The following ZNF609 variants were observed in gnomAD, a reference collection of about 807,000 sequenced individuals.
ZNF609 encodes the protein zinc finger protein 609.
Under a neutral mutation model 109.5 loss-of-function variants are expected in ZNF609, and 11 were observed. The ratio of observed to expected loss-of-function variants is 0.10; its 90% CI spans 0.06 to 0.17. The LOEUF is 0.17. Ranked by LOEUF, ZNF609 falls within the 10% of genes least tolerant of loss-of-function variation. The pLI is 1.00. For missense variants in ZNF609, 1,559 were observed against 1,772.4 expected (o/e 0.88, Z 2.16); for synonymous variants, 646 against 662.0 (o/e 0.98, Z 0.37).
In ZNF609 at chr15:64,546,449, T is replaced by G. The variant is rs564612311; in HGVS notation, c.747+46283T>G. On this transcript the variant is annotated intron_variant, in intron 2 of 9. Coordinates refer to ENST00000326648, the MANE Select transcript of ZNF609 (RefSeq NM_015042.2). The stretch of plus-strand genomic sequence containing the variant: ...CCATGTTTCTTTCTTTTTTTTTTTT[T>G]GGAGATGGTGCCTTGTTCTGTCACC... Among the ~76,000 whole-genome samples, 434 of 150,638 alleles carry G rather than the reference T, an allele frequency of 2.9e-3. 1 individual carries two copies. The highest frequency in any genetic ancestry group is 3.6e-3 in the Non-Finnish European group (242 of 67,586).
chr15:64,555,734 T>C (rs1894570734), intron 2 of ZNF609, among the ~76,000 whole-genome samples: 1 of 151,644 alleles, frequency 6.6e-6, no homozygotes, highest in Non-Finnish European at 1.5e-5. Context: ...ATACAAAAAT[T>C]AGCCGGGCAT....
At chr15:64,595,720 G>T (rs1595732274) in intron 2 of ZNF609, among the ~76,000 whole-genome samples, 1 of 152,086 alleles carries the variant, frequency 6.6e-6, no homozygotes, top group Non-Finnish European at 1.5e-5. Flanking sequence ...AAAAAACTGG[G>T]ACTAAAACCT....
chr15:64,572,256 G>A (rs1159841688), intron 2 of ZNF609, among the ~76,000 whole-genome samples: 1 of 152,140 alleles, frequency 6.6e-6, no homozygotes. Context: ...AACACTTTGG[G>A]AAGCCGAAGT....
intron 2 of ZNF609, among the ~76,000 whole-genome samples, chr15:64,523,195 G>C (rs1893918992): frequency 3.9e-5 from 6 of 152,080 alleles, no homozygotes. Context: ...AATGGGGAGA[G>C]ATGTTAGCAG....
chr15:64,487,173 A>G (rs1893345030), intron 1 of ZNF609, among the ~76,000 whole-genome samples: 1 of 152,058 alleles, frequency 6.6e-6, no homozygotes, highest in Non-Finnish European at 1.5e-5. Context: ...ACTCTCCAAC[A>G]GATCTATAAA....
intron 3 of ZNF609, chr15:64,631,381 G>C: frequency 8.3e-6 from 6 of 725,460 alleles, no homozygotes; most frequent in South Asian, 6.8e-5. Context: ...TGCCAACAGC[G>C]TGCTGGGGGA....
intron 2 of ZNF609, among the ~76,000 whole-genome samples, chr15:64,519,127 G>T (rs1396773277): frequency 7.1e-6 from 1 of 141,402 alleles, no homozygotes; most frequent in Middle Eastern, 3.6e-3. Context: ...GGCGGGGGGC[G>T]GGGGGCGGGG....
intron 2 of ZNF609, among the ~76,000 whole-genome samples, chr15:64,552,856 A>G (rs1894506818): frequency 6.6e-6 from 1 of 152,164 alleles, no homozygotes; most frequent in Non-Finnish European, 1.5e-5. Flanking sequence ...TATGTTGACC[A>G]GGCAGGTCTC....
chr15:64,567,755 G>A (rs867894053), intron 2 of ZNF609, among the ~76,000 whole-genome samples: 14 of 151,676 alleles, frequency 9.2e-5, no homozygotes, highest in Admixed American at 2.6e-4. Context: ...TCTGTCTCCC[G>A]GGTTCAAGCG....
At chr15:64,533,880 C>G (rs749741737) in intron 2 of ZNF609, among the ~76,000 whole-genome samples, 1 of 152,134 alleles carries the variant, frequency 6.6e-6, no homozygotes, top group Non-Finnish European at 1.5e-5. Context: ...TCAGATTTGC[C>G]TTGTTTTGCT....
At chr15:64,596,447 C>T (rs1895400610) in intron 2 of ZNF609, among the ~76,000 whole-genome samples, 1 of 152,010 alleles carries the variant, frequency 6.6e-6, no homozygotes, top group Non-Finnish European at 1.5e-5. Context: ...AGCCACCGTG[C>T]TCTATGCCAA....
chr15:64,663,049 T>A (rs1896602043), intron 3 of ZNF609, among the ~76,000 whole-genome samples: 1 of 152,086 alleles, frequency 6.6e-6, no homozygotes, highest in African/African-American at 2.4e-5. Flanking sequence ...TATGTATGAG[T>A]TCAAAAGCTA....
At chr15:64,480,421 C>A (rs1893236151) in intron 1 of ZNF609, among the ~76,000 whole-genome samples, 1 of 150,550 alleles carries the variant, frequency 6.6e-6, no homozygotes. Context: ...ATCTCAGCTA[C>A]TTGGGAGGCT....
At chr15:64,464,471 G>A (rs561967315) in intron 1 of ZNF609, among the ~76,000 whole-genome samples, 6 of 152,256 alleles carry the variant, frequency 3.9e-5, no homozygotes, top group African/African-American at 9.6e-5. Flanking sequence ...GTCATGGATG[G>A]GAATACTGCC....
chr15:64,495,269 G>A (rs1427975881), intron 1 of ZNF609, among the ~76,000 whole-genome samples: 1 of 152,138 alleles, frequency 6.6e-6, no homozygotes, highest in African/African-American at 2.4e-5. Flanking sequence ...ATTATTCAGG[G>A]ATAATTGTTA....
chr15:64,531,483 C>T (rs928576452), intron 2 of ZNF609, among the ~76,000 whole-genome samples: 3 of 152,136 alleles, frequency 2.0e-5, no homozygotes, highest in Admixed American at 6.5e-5. Flanking sequence ...CTGCAACTTC[C>T]GCCTTCTGGG....
intron 3 of ZNF609, among the ~76,000 whole-genome samples, chr15:64,642,060 T>C (rs1048500390): frequency 2.0e-5 from 3 of 152,206 alleles, no homozygotes; most frequent in Non-Finnish European, 4.4e-5. Flanking sequence ...GTTAATCTGA[T>C]TGGAGGTTCT....
At chr15:64,668,974 A>G (rs1896688620) in intron 3 of ZNF609, among the ~76,000 whole-genome samples, 1 of 151,298 alleles carries the variant, frequency 6.6e-6, no homozygotes, top group African/African-American at 2.4e-5. Flanking sequence ...AAAAAAAAAA[A>G]AAAGGAATTA....
chr15:64,528,600 G>A, intron 2 of ZNF609: 1 of 680,772 alleles, frequency 1.5e-6, no homozygotes, highest in Non-Finnish European at 2.6e-6. Context: ...ATTATGGCAG[G>A]GACTCCCCAG....
Sources: gnomAD v4.1 joint callset for allele counts (sites outside exome capture counted in the v4.1 genomes callset) on GRCh38, gnomAD v4.1.1 for gene constraint, MANE v1.5 for transcripts, NCBI Gene and HGNC (gene_info 2026-07-23, HGNC 2026-07-21) for gene names.